GSTO2: variants seen among roughly 807,000 people sequenced by gnomAD.
The protein encoded by GSTO2 is glutathione S-transferase omega 2, also known as glutathione S-transferase omega-2.
Under a neutral mutation model 28.4 loss-of-function variants are expected in GSTO2, and 23 were observed. The observed-to-expected ratio is 0.81, with a 90% CI of 0.58 to 1.15. The LOEUF is 1.15. Among genes scored for constraint, GSTO2 ranks in the 50% most tolerant of loss-of-function variants. The pLI, the probability that GSTO2 is intolerant of heterozygous loss-of-function variation, is 0.00. For missense variants in GSTO2, 298 were observed against 297.8 expected, an observed-to-expected ratio of 1.00 and a Z score of 0.00; for synonymous variants, 109 against 111.0, an observed-to-expected ratio of 0.98 and a Z score of 0.11.
chr10:104,304,514 A>G lies in GSTO2; in HGVS notation c.*5230A>G, dbSNP rs2013346056. 1 of 152,200 alleles carries G rather than the reference A, an allele frequency of 6.6e-6. No individual in the cohort carries two copies. Among genetic ancestry groups the G allele is most frequent in the Admixed American group, 6.5e-5 (1 of 15,272 alleles). 9.4% of individuals were successfully genotyped at this position (152,200 alleles called of 1,614,324 possible). A position where few individuals can be genotyped will look rare whatever the true frequency, so the allele number is the denominator to read the frequency against. On this transcript the variant is annotated 3_prime_UTR_variant, in exon 7 of 7. Coordinates refer to ENST00000338595, the MANE Select transcript of GSTO2 (RefSeq NM_183239.2). ...ACTTAACTTTCTTGAGTAAGTTGCT[A>G]CACCTCTATTAGCCTCAGTTTCTTA...
At chr10:104,270,159 G>A (rs1197198573) in intron 1 of GSTO2, among the ~76,000 whole-genome samples, 3 of 152,112 alleles carry the variant, frequency 2.0e-5, no homozygotes, top group Non-Finnish European at 2.9e-5. Flanking sequence ...GACTACAGGC[G>A]CCCGCCACCG....
intron 6 of GSTO2, 77 bp downstream of exon 6, chr10:104,297,761 C>A: frequency 1.1e-6 from 1 of 937,924 alleles, no homozygotes. Context: ...CTGCATGCCC[C>A]CTGTAGACAT....
At chr10:104,281,430 C>A (rs925200359) in intron 5 of GSTO2, among the ~76,000 whole-genome samples, 1 of 152,060 alleles carries the variant, frequency 6.6e-6, no homozygotes, top group African/African-American at 2.4e-5. Flanking sequence ...TTGAATTCAA[C>A]GATACAGTAA....
In GSTO2 at chr10:104,278,106, T is replaced by C. The variant is rs1564844511; in HGVS notation, c.356T>C (p.Leu119Pro). The change falls in exon 4 of 7, where the codon CTA (leucine) becomes CCA (proline). Residue 119 changes from leucine to proline, a missense_variant. Transcript: ENST00000338595. ...ERARQKMLLE[L>P]FCKVPHLTKE... The stretch of plus-strand genomic sequence containing the variant: ...GCTCGCCAAAAGATGTTATTGGAGC[T>C]ATTTTGTAAGGTATATTCAATTTAA... 8 of 1,613,232 alleles carry C rather than the reference T, an allele frequency of 5.0e-6. No individual in the cohort carries two copies. The Admixed American group carries it at 1.3e-4, about 27-fold the overall frequency.
Position 104,300,675 on chromosome 10 carries a change from G to A in GSTO2, c.*1391G>A, listed in dbSNP as rs2013230787. The A allele has an allele frequency of 6.6e-6, 1 of 152,278 alleles. No homozygotes were observed. Among genetic ancestry groups the A allele is most frequent in the African/African-American group, 2.4e-5 (1 of 41,450 alleles). 9.4% of individuals were successfully genotyped at this position (152,278 alleles called of 1,614,324 possible). Reference sequence around the variant, plus strand: ...GTTTGTCCAATGCTGTTTCATCTCAGTGTCTGAGGATCAGCCTGTGATCAT... The same window carrying A: ...GTTTGTCCAATGCTGTTTCATCTCAATGTCTGAGGATCAGCCTGTGATCAT... On this transcript the variant is annotated 3_prime_UTR_variant, in exon 7 of 7. Coordinates refer to ENST00000338595, the MANE Select transcript of GSTO2 (RefSeq NM_183239.2).
rs962465841 is a variant in GSTO2 at position 104,301,016 on chromosome 10, C to T, written c.*1732C>T. 2.0e-5 allele frequency: 3 copies of T among 152,250 alleles called. No individual in the cohort carries two copies. The highest frequency in any genetic ancestry group is 2.4e-5 in the African/African-American group (1 of 41,450). The allele number at this position is 152,250 out of a possible 1,614,324, so 9.4% of individuals were successfully genotyped here. ...GCAGCGCATGACAGGGGCAGTCTGC[C>T]GCACCATCTGCTCCGGATGTGGAGC... On this transcript the variant is annotated 3_prime_UTR_variant, in exon 7 of 7. Transcript: ENST00000338595.
At chr10:104,280,045 A>G (rs2011928152) in intron 5 of GSTO2, among the ~76,000 whole-genome samples, 1 of 151,816 alleles carries the variant, frequency 6.6e-6, no homozygotes, top group Non-Finnish European at 1.5e-5. Flanking sequence ...GTATACCTGT[A>G]GTCCCAGCTA....
At chr10:104,288,719 A>G (rs1369869200) in intron 5 of GSTO2, among the ~76,000 whole-genome samples, 1 of 152,224 alleles carries the variant, frequency 6.6e-6, no homozygotes, top group Non-Finnish European at 1.5e-5. Flanking sequence ...GGCTTTGCCT[A>G]TCTGGCCATC....
At chr10:104,273,011 T>G (rs1042017892) in intron 1 of GSTO2, among the ~76,000 whole-genome samples, 7 of 152,210 alleles carry the variant, frequency 4.6e-5, no homozygotes, top group African/African-American at 1.7e-4. Flanking sequence ...TTTGCAACCC[T>G]CTTATGGCCT....
intron 5 of GSTO2, among the ~76,000 whole-genome samples, chr10:104,292,676 G>A (rs931369513): frequency 2.0e-5 from 3 of 151,868 alleles, no homozygotes; most frequent in Non-Finnish European, 2.9e-5. Context: ...CGCTAGTCTC[G>A]AACTCCTGGG....
At chr10:104,279,543 C>G (rs1015426854) in intron 5 of GSTO2, 72 bp downstream of exon 5, 3 of 954,328 alleles carry the variant, frequency 3.1e-6, no homozygotes, top group Non-Finnish European at 5.0e-6. Context: ...CCTGGTCACT[C>G]TAACACCAGC....
intron 5 of GSTO2, among the ~76,000 whole-genome samples, chr10:104,287,060 C>G (rs1023002968): frequency 5.9e-5 from 9 of 152,142 alleles, no homozygotes; most frequent in African/African-American, 2.2e-4. Context: ...ACACCCCCTG[C>G]CATTTTATTT....
chr10:104,272,323 T>C (rs2011443986), intron 1 of GSTO2, among the ~76,000 whole-genome samples: 1 of 152,226 alleles, frequency 6.6e-6, no homozygotes, highest in South Asian at 2.1e-4. Flanking sequence ...ATGGCTGTTT[T>C]TACACTACAA....
chr10:104,270,975 G>A (rs1238473839), intron 1 of GSTO2, among the ~76,000 whole-genome samples: 1 of 152,218 alleles, frequency 6.6e-6, no homozygotes, highest in Non-Finnish European at 1.5e-5. Context: ...ATTTCAGGTG[G>A]CTGAAAATGG....
intron 1 of GSTO2, among the ~76,000 whole-genome samples, chr10:104,271,426 A>C (rs756873813): frequency 6.6e-6 from 1 of 152,238 alleles, no homozygotes; most frequent in Non-Finnish European, 1.5e-5. Flanking sequence ...CTGAGCTCTT[A>C]CTATACTGAC....
chr10:104,275,045 G>T, intron 2 of GSTO2, 96 bp downstream of exon 2: 1 of 1,494,450 alleles, frequency 6.7e-7, no homozygotes, highest in South Asian at 1.3e-5. Context: ...GCAGACCGGC[G>T]GGGCAGGAAG....
intron 5 of GSTO2, among the ~76,000 whole-genome samples, chr10:104,292,789 G>T (rs2012838660): frequency 6.6e-6 from 1 of 152,152 alleles, no homozygotes. Context: ...TCAGGTGGAA[G>T]AACTCAACAT....
chr10:104,278,026 C>T lies in GSTO2; in HGVS notation c.276C>T (p.Tyr92=). Residue 92 remains tyrosine, a synonymous_variant, in exon 4 of 7, where the codon TAC becomes TAT. Transcript: ENST00000338595. ...ATGAATCTGTTATTGCTTGTGAGTACCTGGATGATGCTTATCCAGGAAGGA... is the reference window on the plus strand; with the variant it reads ...ATGAATCTGTTATTGCTTGTGAGTATCTGGATGATGCTTATCCAGGAAGGA... ...LIYESVIACE[Y]LDDAYPGRKL... 1 of 1,614,100 alleles carries T rather than the reference C, an allele frequency of 6.2e-7. No homozygotes were observed. Among genetic ancestry groups the T allele is most frequent in the Non-Finnish European group, 8.5e-7 (1 of 1,179,998 alleles).
At chr10:104,281,590 A>G (rs2012045236) in intron 5 of GSTO2, among the ~76,000 whole-genome samples, 1 of 152,224 alleles carries the variant, frequency 6.6e-6, no homozygotes. Flanking sequence ...ATGAACCAGT[A>G]TTTTGTGCCA....
Sources: gnomAD v4.1 joint callset for allele counts (sites outside exome capture counted in the v4.1 genomes callset) on GRCh38, gnomAD v4.1.1 for gene constraint, MANE v1.5 for transcripts, NCBI Gene and HGNC (gene_info 2026-07-23, HGNC 2026-07-21) for gene names.